The following TNFRSF11A variants were observed in gnomAD, a reference collection of about 807,000 sequenced individuals.
The protein encoded by TNFRSF11A is TNF receptor superfamily member 11a, also known as tumor necrosis factor receptor superfamily member 11A.
TNFRSF11A carries 32 observed loss-of-function variants against 55.7 expected under a neutral mutation model. That is an observed-to-expected ratio of 0.57 (90% CI 0.43 to 0.77). The LOEUF is 0.77. Among genes scored for constraint, TNFRSF11A ranks in the 30% least tolerant of loss-of-function variants. The pLI, the probability that TNFRSF11A is intolerant of heterozygous loss-of-function variation, is 0.00. For synonymous variants in TNFRSF11A, 311 were observed against 331.0 expected (o/e 0.94, Z 0.65); for missense variants, 753 against 809.8 (o/e 0.93, Z 0.85).
At position 62,383,060 on chromosome 18, in the gene TNFRSF11A, G is replaced by C. The variant is rs1322128576; in HGVS notation, c.1568-1691G>C. ...CATGCCTGGCAATGTGTGGAGAGGG[G>C]GTGGAGAAGGTGCTGGGTAGGTGGT... On this transcript the variant is annotated intron_variant, in intron 9 of 9. Transcript: ENST00000586569. This position sits in a 1 kb window ranked among gnomAD's most constrained non-coding sequence, Gnocchi z 4.2. Among the ~76,000 whole-genome samples the C allele has an allele frequency of 6.6e-6, 1 of 152,146 alleles. No homozygotes were observed. The highest frequency in any genetic ancestry group is 1.9e-4 in the East Asian group (1 of 5,200).
intron 4 of TNFRSF11A, chr18:62,357,967 T>C (rs1302808589): frequency 4.6e-6 from 2 of 433,378 alleles, no homozygotes; most frequent in African/African-American, 4.0e-5. Flanking sequence ...TAGCCTGACC[T>C]GGACATCACA....
intron 1 of TNFRSF11A, among the ~76,000 whole-genome samples, chr18:62,334,941 G>T (rs1359695482): frequency 6.6e-6 from 1 of 152,132 alleles, no homozygotes; most frequent in Non-Finnish European, 1.5e-5. Context: ...ACAATGGACT[G>T]TGAGATCAAG....
At position 62,366,744 on chromosome 18, in the gene TNFRSF11A, G is replaced by A. The variant is rs746603174; in HGVS notation, c.767G>A (p.Arg256His). The A allele has an allele frequency of 6.2e-6, 10 of 1,614,184 alleles. No individual in the cohort carries two copies. Among genetic ancestry groups the A allele is most frequent in the African/African-American group, 5.3e-5 (4 of 75,048 alleles). The change falls in exon 8 of 10, where the codon CGC (arginine) becomes CAC (histidine). Residue 256 changes from arginine to histidine, a missense_variant. Around this residue, in one of 3 missense-constraint regions of TNFRSF11A, gnomAD observed 567 missense variants for 596.7 expected, o/e 0.95. Coordinates refer to ENST00000586569, the MANE Select transcript of TNFRSF11A (RefSeq NM_003839.4). Reference sequence around the variant, plus strand: ...CACTGGATCAATGAGGCTTGTGGCCGCCTAAGTGGAGATAAGGTAGAGTGA... The same window carrying A: ...CACTGGATCAATGAGGCTTGTGGCCACCTAAGTGGAGATAAGGTAGAGTGA... ...LWHWINEACG[R>H]LSGDKESSGD... is the part of the protein sequence containing the mutation.
At chr18:62,361,093 G>A (rs1909651160) in intron 6 of TNFRSF11A, among the ~76,000 whole-genome samples, 1 of 152,198 alleles carries the variant, frequency 6.6e-6, no homozygotes, top group African/African-American at 2.4e-5. Context: ...TTTTAAAAAA[G>A]AGGAGAGGAA....
At chr18:62,364,630 C>G (rs1000337265) in intron 7 of TNFRSF11A, among the ~76,000 whole-genome samples, 1 of 152,090 alleles carries the variant, frequency 6.6e-6, no homozygotes, top group African/African-American at 2.4e-5. Context: ...GTCCTTTTCT[C>G]TTTTGGTGGG....
intron 9 of TNFRSF11A, among the ~76,000 whole-genome samples, chr18:62,382,754 C>T (rs944445248): frequency 6.6e-6 from 1 of 152,132 alleles, no homozygotes; most frequent in African/African-American, 2.4e-5. Flanking sequence ...TACACCACCA[C>T]ACCAGTTGAA....
chr18:62,364,275 C>G (rs762563933), intron 7 of TNFRSF11A, among the ~76,000 whole-genome samples: 4 of 152,072 alleles, frequency 2.6e-5, no homozygotes, highest in Non-Finnish European at 4.4e-5. Context: ...AGTGCATTAG[C>G]GGGCTGGAAG....
rs186498592 is a variant in TNFRSF11A at position 62,379,984 on chromosome 18, G to C, written c.1568-4767G>C. On this transcript the variant is annotated intron_variant, in intron 9 of 9. Transcript: ENST00000586569. ...GTAGTGCTAGATTAGAGCCTCAGTG[G>C]GGAAAGTTCCCAGAGTAATGCTCCT... Among the ~76,000 whole-genome samples the C allele has an allele frequency of 1.5e-4, 23 of 152,304 alleles. No homozygotes were observed. In the East Asian group the frequency reaches 4.4e-3, roughly 29 times the overall value.
chr18:62,376,097 T>C (rs1029797407), intron 9 of TNFRSF11A, among the ~76,000 whole-genome samples: 5 of 152,088 alleles, frequency 3.3e-5, no homozygotes, highest in Non-Finnish European at 5.9e-5. Context: ...GGAGAGGCAG[T>C]AGCCAGGCCT....
At chr18:62,342,425 A>AAAAAAAAAAAAAC in intron 1 of TNFRSF11A, among the ~76,000 whole-genome samples, 1 of 144,346 alleles carries the variant, frequency 6.9e-6, no homozygotes, top group African/African-American at 2.6e-5. Context: ...AAAAAAAAAA[A>AAAAAAAAAAAAAC]TCCTATATTC....
intron 9 of TNFRSF11A, among the ~76,000 whole-genome samples, chr18:62,377,280 C>T (rs988783671): frequency 2.2e-4 from 34 of 152,272 alleles, no homozygotes; most frequent in African/African-American, 6.7e-4. Context: ...TTTGTTTATC[C>T]CTTCATTTAC....
chr18:62,358,157 C>A (rs1909409391), intron 4 of TNFRSF11A, 91 bp from the exon 5 acceptor site: 1 of 1,252,576 alleles, frequency 8.0e-7, no homozygotes, highest in Non-Finnish European at 1.2e-6. Flanking sequence ...CACCTCCAGT[C>A]CTCTGGAGTC....
chr18:62,342,146 A>G (rs1353668542), intron 1 of TNFRSF11A, among the ~76,000 whole-genome samples: 1 of 151,888 alleles, frequency 6.6e-6, no homozygotes, highest in East Asian at 1.9e-4. Flanking sequence ...CACGCCTGTA[A>G]TCCCAGCACT....
intron 9 of TNFRSF11A, among the ~76,000 whole-genome samples, chr18:62,376,213 T>C (rs969252902): frequency 5.3e-5 from 8 of 152,056 alleles, no homozygotes; most frequent in Non-Finnish European, 1.0e-4. Context: ...CTTGGGATGT[T>C]ACTATTTTCA....
chr18:62,337,067 G>A (rs1455659150), intron 1 of TNFRSF11A, among the ~76,000 whole-genome samples: 1 of 152,180 alleles, frequency 6.6e-6, no homozygotes, highest in South Asian at 2.1e-4. Flanking sequence ...TCAAGACGGT[G>A]TATAAAGTCA....
intron 1 of TNFRSF11A, among the ~76,000 whole-genome samples, chr18:62,327,845 T>C (rs932582193): frequency 2.0e-5 from 3 of 152,256 alleles, no homozygotes; most frequent in Non-Finnish European, 4.4e-5. Flanking sequence ...TATCTCTGCC[T>C]GCTTGTATTT....
intron 1 of TNFRSF11A, among the ~76,000 whole-genome samples, chr18:62,339,294 T>C (rs1232054363): frequency 6.6e-6 from 1 of 152,118 alleles, no homozygotes; most frequent in Non-Finnish European, 1.5e-5. Flanking sequence ...ATTTGCTCTG[T>C]CCTCTCCCTC....
chr18:62,327,729 G>A (rs1220271409), intron 1 of TNFRSF11A, among the ~76,000 whole-genome samples: 2 of 152,202 alleles, frequency 1.3e-5, no homozygotes, highest in African/African-American at 2.4e-5. Context: ...TCCAGAAAGT[G>A]CCTTATCTGT....
chr18:62,329,873 G>T (rs576192169), intron 1 of TNFRSF11A, among the ~76,000 whole-genome samples: 2 of 152,236 alleles, frequency 1.3e-5, no homozygotes, highest in East Asian at 1.9e-4. Flanking sequence ...CGTTCCAGTC[G>T]CAGTGTGCTC....
Sources: allele counts gnomAD v4.1 joint callset (sites outside exome capture counted in the v4.1 genomes callset), GRCh38; gene constraint gnomAD v4.1.1; regional missense constraint gnomAD v4.1.1; non-coding constraint Gnocchi (gnomAD v3.1); transcripts MANE v1.5; gene names NCBI Gene and HGNC (gene_info 2026-07-23, HGNC 2026-07-21).